Variants in PIK3CB observed in about 807,000 individuals in gnomAD.
PIK3CB encodes the protein phosphatidylinositol-4,5-bisphosphate 3-kinase catalytic subunit beta.
In PIK3CB, 39 loss-of-function variants were observed where a neutral mutation model predicts 136.8. The observed-to-expected ratio is 0.29, with a 90% confidence interval of 0.22 to 0.37. The LOEUF is 0.37. Ranked by LOEUF, PIK3CB falls within the 10% of genes least tolerant of loss-of-function variation. The pLI, the probability that PIK3CB is intolerant of heterozygous loss-of-function variation, is 1.00. For synonymous variants in PIK3CB, 428 were observed against 436.6 expected, an observed-to-expected ratio of 0.98 and a Z score of 0.25; for missense variants, 868 against 1,275.4, an observed-to-expected ratio of 0.68 and a Z score of 4.87.
intron 8 of PIK3CB, among the ~76,000 whole-genome samples, chr3:138,726,363 CT>C (rs1307716254): frequency 6.6e-6 from 1 of 152,214 alleles, no homozygotes; most frequent in East Asian, 1.9e-4. Context: ...TTCACTCACA[CT>C]TCCTGCAACT....
chr3:138,797,339 A>C (rs1170398839), intron 1 of PIK3CB: 1 of 152,206 alleles, frequency 6.6e-6, no homozygotes, highest in Non-Finnish European at 1.5e-5. Flanking sequence ...TTTTTCAAAA[A>C]TTAAGAATTT....
At chr3:138,753,641 G>A (rs1303843459) in intron 4 of PIK3CB, among the ~76,000 whole-genome samples, 3 of 151,682 alleles carry the variant, frequency 2.0e-5, no homozygotes, top group Non-Finnish European at 4.4e-5. Context: ...TACCAGCCTG[G>A]GCAACATGCT....
At chr3:138,664,977 A>G in intron 20 of PIK3CB, 59 bp downstream of exon 20, 4 of 1,157,130 alleles carry the variant, frequency 3.5e-6, no homozygotes, top group Non-Finnish European at 4.9e-6. Flanking sequence ...TATTGGGAGC[A>G]TACAGTATTT....
At chr3:138,776,698 A>AAAACAAAC (rs373365770) in intron 2 of PIK3CB, among the ~76,000 whole-genome samples, 35 of 151,684 alleles carry the variant, frequency 2.3e-4, no homozygotes, top group African/African-American at 6.3e-4. Flanking sequence ...CCTGTCTCAA[A>AAAACAAAC]AAACAAACAA....
At chr3:138,757,659 A>AG (rs1241161342) in intron 3 of PIK3CB, among the ~76,000 whole-genome samples, 1 of 128,438 alleles carries the variant, frequency 7.8e-6, no homozygotes, top group African/African-American at 2.9e-5. Flanking sequence ...AGGGAGAGGA[A>AG]GGAGGGGAGG....
At position 138,686,394 on chromosome 3, in the gene PIK3CB, A is replaced by T. The variant is rs916104104; in HGVS notation, c.2137-1591T>A. ...GCAGAGGTTGTAGTGAGCCAAGATC[A>T]TGCCACTGTACTCCAGCCTGGGTGA... On this transcript the variant is annotated intron_variant, in intron 16 of 23. Transcript: ENST00000674063. Among the ~76,000 whole-genome samples the T allele has an allele frequency of 5.3e-5, 8 of 152,268 alleles. No individual in the cohort carries two copies. In the East Asian group the frequency reaches 1.5e-3, roughly 29 times the overall value.
At chr3:138,825,720 T>C (rs1933751161) in intron 1 of PIK3CB, 1 of 676,496 alleles carries the variant, frequency 1.5e-6, no homozygotes, top group South Asian at 1.7e-5. Flanking sequence ...CTGGTGATAT[T>C]GGTACTGTGC....
chr3:138,664,175 C>A, intron 20 of PIK3CB, 146 bp from the exon 21 acceptor site: 1 of 898,904 alleles, frequency 1.1e-6, no homozygotes. Flanking sequence ...GTGGATCAGC[C>A]AAGGGGAGTG....
chr3:138,834,318 C>CG (rs1205504046), intron 1 of PIK3CB, among the ~76,000 whole-genome samples: 4 of 152,188 alleles, frequency 2.6e-5, no homozygotes, highest in African/African-American at 9.6e-5. Flanking sequence ...ACCTGAGGGT[C>CG]GGGAAGTTCC....
intron 8 of PIK3CB, among the ~76,000 whole-genome samples, chr3:138,726,340 A>G (rs1027792979): frequency 6.6e-6 from 1 of 152,226 alleles, no homozygotes; most frequent in Admixed American, 6.5e-5. Flanking sequence ...CCAACCAGAA[A>G]GCTGCGGCTT....
chr3:138,697,169 T>C (rs1206350278), intron 13 of PIK3CB, among the ~76,000 whole-genome samples: 3 of 152,194 alleles, frequency 2.0e-5, no homozygotes, highest in Non-Finnish European at 4.4e-5. Flanking sequence ...AGATATGTAC[T>C]CAGCACTAGA....
At chr3:138,741,876 C>A (rs1396261792) in intron 5 of PIK3CB, among the ~76,000 whole-genome samples, 3 of 151,812 alleles carry the variant, frequency 2.0e-5, no homozygotes, top group African/African-American at 7.3e-5. Context: ...TAATGCCAGA[C>A]CCTAGATGCT....
At chr3:138,814,723 G>A (rs1043648303) in intron 1 of PIK3CB, among the ~76,000 whole-genome samples, 12 of 151,848 alleles carry the variant, frequency 7.9e-5, no homozygotes, top group African/African-American at 2.2e-4. Context: ...AGTCAAAACC[G>A]CCTAGGCATG....
intron 8 of PIK3CB, among the ~76,000 whole-genome samples, chr3:138,715,233 T>C (rs770967985): frequency 1.3e-5 from 2 of 152,238 alleles, no homozygotes; most frequent in Non-Finnish European, 2.9e-5. Flanking sequence ...CATCCATATC[T>C]TGATTATCCT....
intron 1 of PIK3CB, among the ~76,000 whole-genome samples, chr3:138,819,751 G>C (rs1187559388): frequency 6.6e-6 from 1 of 152,198 alleles, no homozygotes; most frequent in African/African-American, 2.4e-5. Flanking sequence ...AAGGCGGGCA[G>C]ATCATTTGAG....
At chr3:138,737,663 A>G (rs767788583) in intron 6 of PIK3CB, 44 bp downstream of exon 6, 9 of 757,442 alleles carry the variant, frequency 1.2e-5, no homozygotes, top group Non-Finnish European at 1.8e-5. Context: ...ATATATATAT[A>G]TACTCATAGA....
intron 4 of PIK3CB, among the ~76,000 whole-genome samples, chr3:138,750,548 T>G (rs1292959243): frequency 6.6e-6 from 1 of 152,154 alleles, no homozygotes; most frequent in Non-Finnish European, 1.5e-5. Context: ...CAGGTGGTAA[T>G]GCTCACCCAA....
At chr3:138,763,591 A>G (rs1480127059) in intron 2 of PIK3CB, among the ~76,000 whole-genome samples, 1 of 152,158 alleles carries the variant, frequency 6.6e-6, no homozygotes, top group African/African-American at 2.4e-5. Context: ...CAATTAATAC[A>G]ATACTAATAA....
At chr3:138,811,840 G>A (rs1933079440) in intron 1 of PIK3CB, among the ~76,000 whole-genome samples, 1 of 151,818 alleles carries the variant, frequency 6.6e-6, no homozygotes, top group Admixed American at 6.6e-5. Context: ...TGTAATCCCA[G>A]CACTTTGGGA....
Sources: gnomAD v4.1 joint callset for allele counts (sites outside exome capture counted in the v4.1 genomes callset) on GRCh38, gnomAD v4.1.1 for gene constraint, MANE v1.5 for transcripts, NCBI Gene and HGNC (gene_info 2026-07-23, HGNC 2026-07-21) for gene names.